Variants in EYA1 observed in about 807,000 individuals in gnomAD.
EYA1 encodes protein phosphatase EYA1.
In EYA1, 16 loss-of-function variants were observed where a neutral mutation model predicts 82.0. That is an observed-to-expected ratio of 0.20 (90% CI 0.13 to 0.30). The LOEUF is 0.30. Among genes scored for constraint, EYA1 ranks in the 10% least tolerant of loss-of-function variants. The probability of loss-of-function intolerance (pLI) is 1.00; values close to 1 mark genes in which losing one functional copy is unlikely to be tolerated. For synonymous variants in EYA1, 261 were observed against 264.4 expected (o/e 0.99, Z 0.12); for missense variants, 633 against 730.7 (o/e 0.87, Z 1.54).
chr8:71,269,038 C>A (rs905250932), intron 11 of EYA1, among the ~76,000 whole-genome samples: 1 of 152,138 alleles, frequency 6.6e-6, no homozygotes, highest in Non-Finnish European at 1.5e-5. Context: ...CCTATAGCTA[C>A]TTTAAATAAC....
At chr8:71,391,289 T>C (rs886844316) in intron 2 of EYA1, among the ~76,000 whole-genome samples, 2 of 152,142 alleles carry the variant, frequency 1.3e-5, no homozygotes, top group Non-Finnish European at 2.9e-5. Flanking sequence ...AGCCAAAAAT[T>C]TTCTTCTTTT....
chr8:71,297,419 C>T (rs1819711777), intron 9 of EYA1, among the ~76,000 whole-genome samples: 1 of 151,882 alleles, frequency 6.6e-6, no homozygotes, highest in Non-Finnish European at 1.5e-5. Flanking sequence ...AAGTCTTCAA[C>T]AGTTTATTTA....
chr8:71,452,162 TCA>T (rs1335109830), intron 2 of EYA1, among the ~76,000 whole-genome samples: 4 of 152,192 alleles, frequency 2.6e-5, no homozygotes, highest in African/African-American at 9.6e-5. Flanking sequence ...CCACAGAGCC[TCA>T]CTCATTGCTA....
chr8:71,398,358 G>T (rs926654266), intron 2 of EYA1, among the ~76,000 whole-genome samples: 14 of 152,166 alleles, frequency 9.2e-5, no homozygotes, highest in Non-Finnish European at 1.6e-4. Context: ...CGTTCCTTTG[G>T]AGGAGAAAAG....
chr8:71,451,846 C>T lies in EYA1; in HGVS notation c.33+83898G>A, dbSNP rs1380904794. Among the ~76,000 whole-genome samples, 5 of 152,300 alleles carry T rather than the reference C, an allele frequency of 3.3e-5. 1 individual carries two copies. The highest frequency in any genetic ancestry group is 4.1e-4 in the South Asian group (2 of 4,822). ...AGTCTACAGCTCCCAGTGTGAGCGA[C>T]GCAGAAGACGGGTGATTTCTGCATT... On this transcript the variant is annotated intron_variant, in intron 2 of 18. Coordinates refer to the EYA1 transcript ENST00000643681.
rs534802298 is a variant in EYA1 at position 71,233,392 on chromosome 8, G to A, written c.1140+11211C>T. On this transcript the variant is annotated intron_variant, in intron 12 of 17. Coordinates refer to ENST00000340726, the MANE Select transcript of EYA1 (RefSeq NM_000503.6). ...ATCCTGGCTAACACAGTGAAACCCCGTCTCTACTAAAAACACAAAAAATTA... is the reference window on the plus strand; with the variant it reads ...ATCCTGGCTAACACAGTGAAACCCCATCTCTACTAAAAACACAAAAAATTA... Among the ~76,000 whole-genome samples the A allele has an allele frequency of 2.4e-4, 37 of 151,872 alleles. No homozygotes were observed. In the South Asian group the frequency reaches 3.5e-3, roughly 15 times the overall value.
intron 2 of EYA1, among the ~76,000 whole-genome samples, chr8:71,499,831 C>T (rs147602273): frequency 3.2e-4 from 48 of 152,220 alleles, no homozygotes; most frequent in Non-Finnish European, 6.3e-4. Context: ...AGGAGAACTG[C>T]CTTTTGGATG....
At chr8:71,527,370 C>G (rs1274174307) in intron 2 of EYA1, among the ~76,000 whole-genome samples, 1 of 152,150 alleles carries the variant, frequency 6.6e-6, no homozygotes, top group Non-Finnish European at 1.5e-5. Flanking sequence ...AGTAAGGACA[C>G]CAGTCGAATC....
Position 71,280,587 on chromosome 8 carries a change from A to C in EYA1, c.827-8690T>G, listed in dbSNP as rs1337992648. ...TTCCTTTTATTCTTAAAATGTCTAA[A>C]GCAATTCCAGTGGTGGCCTAAACTT... On this transcript the variant is annotated intron_variant, in intron 9 of 17. Transcript: ENST00000340726. 2.6e-5 allele frequency among the ~76,000 whole-genome samples: 4 copies of C among 152,246 alleles called. No individual in the cohort carries two copies. In the East Asian group the frequency reaches 5.8e-4, roughly 22 times the overall value.
intron 2 of EYA1, among the ~76,000 whole-genome samples, chr8:71,457,108 A>T (rs1807993064): frequency 1.3e-5 from 2 of 152,204 alleles, no homozygotes; most frequent in African/African-American, 4.8e-5. Flanking sequence ...AAGGATATGA[A>T]CAGACACTTC....
At chr8:71,296,631 GAAAAA>G (rs11324249) in intron 9 of EYA1, among the ~76,000 whole-genome samples, 6 of 147,744 alleles carry the variant, frequency 4.1e-5, no homozygotes, top group African/African-American at 1.5e-4. Context: ...AAAAGTAAAA[GAAAAA>G]AAAAAAGACC....
At chr8:71,401,615 G>A (rs1315817993) in intron 2 of EYA1, among the ~76,000 whole-genome samples, 7 of 147,066 alleles carry the variant, frequency 4.8e-5, no homozygotes, top group Non-Finnish European at 7.5e-5. Flanking sequence ...TCCAACTATT[G>A]TCTCTTGGAC....
intron 2 of EYA1, among the ~76,000 whole-genome samples, chr8:71,430,788 A>C (rs1383413664): frequency 1.3e-5 from 2 of 152,106 alleles, no homozygotes; most frequent in African/African-American, 4.8e-5. Flanking sequence ...TTATGGTGCA[A>C]AGTCAAAAGC....
At chr8:71,259,040 T>C (rs563988159) in intron 11 of EYA1, among the ~76,000 whole-genome samples, 1 of 152,280 alleles carries the variant, frequency 6.6e-6, no homozygotes, top group African/African-American at 2.4e-5. Flanking sequence ...ATAGTGTTTT[T>C]TAAAGAAAAA....
chr8:71,401,501 C>A (rs1434829311), intron 2 of EYA1, among the ~76,000 whole-genome samples: 1 of 152,132 alleles, frequency 6.6e-6, no homozygotes, highest in East Asian at 1.9e-4. Flanking sequence ...TACAGCTTAC[C>A]TTTTCCTCTG....
intron 9 of EYA1, among the ~76,000 whole-genome samples, chr8:71,294,703 C>T (rs1247487029): frequency 6.6e-6 from 1 of 152,098 alleles, no homozygotes; most frequent in Admixed American, 6.5e-5. Flanking sequence ...CAGCCAAAAT[C>T]CCAGAAATTT....
At chr8:71,467,913 C>T (rs1259889375) in intron 2 of EYA1, among the ~76,000 whole-genome samples, 3 of 152,078 alleles carry the variant, frequency 2.0e-5, no homozygotes, top group Admixed American at 2.0e-4. Flanking sequence ...AGATGATTTA[C>T]TAAGTCTCGG....
intron 9 of EYA1, among the ~76,000 whole-genome samples, chr8:71,297,938 A>C (rs1333957706): frequency 6.6e-6 from 1 of 152,228 alleles, no homozygotes; most frequent in Admixed American, 6.5e-5. Flanking sequence ...AGAAATAATG[A>C]GCATTAGAAG....
chr8:71,366,731 A>T (rs1021234600), upstream of EYA1, among the ~76,000 whole-genome samples: 7 of 152,186 alleles, frequency 4.6e-5, no homozygotes, highest in Non-Finnish European at 1.0e-4. Flanking sequence ...TTTTTTAAAT[A>T]TGAGTGATTT....
Sources: allele counts gnomAD v4.1 joint callset (sites outside exome capture counted in the v4.1 genomes callset), GRCh38; gene constraint gnomAD v4.1.1; transcripts MANE v1.5; gene names NCBI Gene and HGNC (gene_info 2026-07-23, HGNC 2026-07-21).